Variants in RHEB observed in about 807,000 individuals in gnomAD.
RHEB encodes GTP-binding protein Rheb.
A neutral mutation model predicts 28.8 loss-of-function variants in RHEB; 2 were observed. That is an observed-to-expected ratio of 0.07 (90% CI 0.03 to 0.22). RHEB has a LOEUF of 0.22. Ranked by LOEUF, RHEB falls within the 10% of genes least tolerant of loss-of-function variation. The pLI is 1.00. For synonymous variants in RHEB, 69 were observed against 77.3 expected (o/e 0.89, Z 0.56); for missense variants, 76 against 219.9 (o/e 0.35, Z 4.14).
At chr7:151,491,635 GC>G (rs1446928107) in intron 1 of RHEB, among the ~76,000 whole-genome samples, 1 of 152,050 alleles carries the variant, frequency 6.6e-6, no homozygotes, top group African/African-American at 2.4e-5. Context: ...TACTTGGGAG[GC>G]TGAGATAATA....
chr7:151,519,343 C>A, intron 1 of RHEB, 117 bp downstream of exon 1: 3 of 672,012 alleles, frequency 4.5e-6, no homozygotes, highest in Non-Finnish European at 6.1e-6. Context: ...ACGCGCGGCC[C>A]CCGCCCGCCC....
intron 1 of RHEB, among the ~76,000 whole-genome samples, chr7:151,501,611 C>T (rs1347207098): frequency 3.3e-5 from 5 of 152,114 alleles, no homozygotes; most frequent in Admixed American, 6.5e-5. Context: ...GGAAGACAAA[C>T]GAAAATTTAT....
chr7:151,505,761 T>C (rs568994575), intron 1 of RHEB, among the ~76,000 whole-genome samples: 92 of 152,314 alleles, frequency 6.0e-4, no homozygotes, highest in Non-Finnish European at 1.1e-3. Flanking sequence ...TATCCACCAA[T>C]GGGTGATCAG....
chr7:151,517,902 G>C (rs533763836), intron 1 of RHEB: 2 of 152,134 alleles, frequency 1.3e-5, no homozygotes, highest in Non-Finnish European at 2.9e-5. Flanking sequence ...TGACTGACTA[G>C]GGAAGGCTCA....
chr7:151,478,855 G>A (rs776600314), intron 3 of RHEB, among the ~76,000 whole-genome samples: 11 of 152,006 alleles, frequency 7.2e-5, no homozygotes, highest in Non-Finnish European at 1.0e-4. Context: ...GGCTGGTCTC[G>A]AACCCCTGAC....
At chr7:151,496,948 T>C (rs1802684582) in intron 1 of RHEB, among the ~76,000 whole-genome samples, 1 of 150,200 alleles carries the variant, frequency 6.7e-6, no homozygotes, top group South Asian at 2.1e-4. Flanking sequence ...CTCGGCTATT[T>C]TTTTTTTTTT....
At chr7:151,497,605 C>A (rs961050987) in intron 1 of RHEB, among the ~76,000 whole-genome samples, 13 of 152,310 alleles carry the variant, frequency 8.5e-5, no homozygotes, top group African/African-American at 2.4e-4. Context: ...GAGGACGGCA[C>A]TCGCAATGTC....
rs1177430557 is a variant in RHEB at position 151,466,215 on chromosome 7, G to A, written c.*904C>T. On this transcript the variant is annotated 3_prime_UTR_variant, in exon 8 of 8. Coordinates refer to ENST00000262187, the MANE Select transcript of RHEB (RefSeq NM_005614.4). ...TACAGCTGCTCCTTGGACAGAGGGAGGCCCGTCATCTGGGTCTGAAGGAGG... is the reference window on the plus strand; with the variant it reads ...TACAGCTGCTCCTTGGACAGAGGGAAGCCCGTCATCTGGGTCTGAAGGAGG... The A allele has an allele frequency of 6.6e-6, 1 of 152,188 alleles. No homozygotes were observed. The highest frequency in any genetic ancestry group is 1.5e-5 in the Non-Finnish European group (1 of 68,044). 9.4% of individuals were successfully genotyped at this position (152,188 alleles called of 1,614,324 possible).
intron 1 of RHEB, among the ~76,000 whole-genome samples, chr7:151,513,115 T>C (rs1803020433): frequency 6.6e-6 from 1 of 152,202 alleles, no homozygotes; most frequent in Non-Finnish European, 1.5e-5. Flanking sequence ...GTCTTTTTAA[T>C]ATTCTGCACG....
intron 1 of RHEB, among the ~76,000 whole-genome samples, chr7:151,515,858 C>T (rs1265158863): frequency 6.6e-6 from 1 of 152,170 alleles, no homozygotes; most frequent in Non-Finnish European, 1.5e-5. Context: ...GTTTCATTTT[C>T]CCCCTATGAT....
intron 3 of RHEB, among the ~76,000 whole-genome samples, chr7:151,481,423 T>C (rs1462146748): frequency 6.6e-6 from 1 of 152,142 alleles, no homozygotes; most frequent in Non-Finnish European, 1.5e-5. Flanking sequence ...GTGAACAAAT[T>C]TACTATAGAT....
At chr7:151,503,271 CCT>C (rs1426691309) in intron 1 of RHEB, 8 of 784,682 alleles carry the variant, frequency 1.0e-5, no homozygotes, top group Non-Finnish European at 2.4e-6. Context: ...AGAGCATGCC[CCT>C]GTTGGAATGG....
intron 3 of RHEB, among the ~76,000 whole-genome samples, chr7:151,479,862 C>T (rs1436214023): frequency 2.6e-5 from 4 of 152,006 alleles, no homozygotes; most frequent in African/African-American, 4.8e-5. Context: ...CACATCAACA[C>T]GCAAAGACCA....
chr7:151,491,094 C>G lies in RHEB; in HGVS notation c.53-80G>C, dbSNP rs116093456. ...TAATTTTGCTGTTTTATTAAAAAAC[C>G]ATTAATAGATGAAGACACTGAAGGT... On this transcript the variant is annotated intron_variant, in intron 1 of 7. Coordinates refer to ENST00000262187, the MANE Select transcript of RHEB (RefSeq NM_005614.4). The G allele has an allele frequency of 7.9e-4, 746 of 940,742 alleles. 2 individuals carry two copies. In the African/African-American group the frequency reaches 0.011, roughly 14 times the overall value. The allele number at this position is 940,742 out of a possible 1,614,324, so 58.3% of individuals were successfully genotyped here.
chr7:151,502,959 C>T, intron 1 of RHEB: 3 of 784,082 alleles, frequency 3.8e-6, no homozygotes, highest in Non-Finnish European at 4.7e-6. Flanking sequence ...AATCAAGCTA[C>T]TGAGTTATCT....
At chr7:151,503,860 G>GT (rs569410867) in intron 1 of RHEB, among the ~76,000 whole-genome samples, 97 of 152,092 alleles carry the variant, frequency 6.4e-4, no homozygotes, top group Admixed American at 4.7e-3. Context: ...GATCATACTG[G>GT]TTTTTTTCTT....
At chr7:151,504,439 C>G (rs76928273) in intron 1 of RHEB, among the ~76,000 whole-genome samples, 1 of 152,136 alleles carries the variant, frequency 6.6e-6, no homozygotes, top group South Asian at 2.1e-4. Flanking sequence ...CCTGCAGAAT[C>G]TGCATATATG....
intron 1 of RHEB, among the ~76,000 whole-genome samples, chr7:151,514,172 A>G (rs1803036698): frequency 6.6e-6 from 1 of 152,224 alleles, no homozygotes; most frequent in African/African-American, 2.4e-5. Flanking sequence ...TGATATCCAC[A>G]TGCAAAAGTA....
At chr7:151,469,511 C>T (rs1294413006) in intron 7 of RHEB, among the ~76,000 whole-genome samples, 5 of 125,060 alleles carry the variant, frequency 4.0e-5, no homozygotes, top group Admixed American at 8.2e-5. Context: ...TGCTGGCGCC[C>T]GGCCCTCCCA....
Sources: gnomAD v4.1 joint callset for allele counts (sites outside exome capture counted in the v4.1 genomes callset) on GRCh38, gnomAD v4.1.1 for gene constraint, MANE v1.5 for transcripts, NCBI Gene and HGNC (gene_info 2026-07-23, HGNC 2026-07-21) for gene names.